Variants in ROCK1 observed in about 807,000 individuals in gnomAD.
ROCK1 encodes the protein rho-associated protein kinase 1.
In ROCK1, 36 loss-of-function variants were observed where a neutral mutation model predicts 196.8. The ratio of observed to expected loss-of-function variants is 0.18; its 90% CI spans 0.14 to 0.24. ROCK1 has a LOEUF of 0.24. ROCK1 is among the 10% of genes least tolerant of loss of function. The pLI is 1.00. For missense variants in ROCK1, 920 were observed against 1,562.0 expected, an observed-to-expected ratio of 0.59 and a Z score of 6.93; for synonymous variants, 443 against 515.9, an observed-to-expected ratio of 0.86 and a Z score of 1.91.
chr18:21,011,322 T>C (rs2035815260), intron 13 of ROCK1, among the ~76,000 whole-genome samples: 1 of 152,230 alleles, frequency 6.6e-6, no homozygotes, highest in African/African-American at 2.4e-5. Flanking sequence ...ATGTATCTCC[T>C]TGTAAGGCCT....
intron 10 of ROCK1, among the ~76,000 whole-genome samples, chr18:21,028,425 C>T (rs142585456): frequency 6.6e-6 from 1 of 151,734 alleles, no homozygotes; most frequent in Non-Finnish European, 1.5e-5. Context: ...TGGAAAAAAA[C>T]AAAACAAAAC....
intron 2 of ROCK1, among the ~76,000 whole-genome samples, chr18:21,057,620 A>C (rs765712232): frequency 6.6e-6 from 1 of 152,132 alleles, no homozygotes; most frequent in Non-Finnish European, 1.5e-5. Flanking sequence ...TCAGGAGTTC[A>C]AGACCAGCCT....
At chr18:21,094,605 C>T (rs1202376052) in intron 1 of ROCK1, among the ~76,000 whole-genome samples, 19 of 151,198 alleles carry the variant, frequency 1.3e-4, no homozygotes, top group Non-Finnish European at 2.1e-4. Context: ...AAACATTGGC[C>T]GGGCATGGTG....
intron 12 of ROCK1, among the ~76,000 whole-genome samples, chr18:21,017,851 T>C (rs1458193707): frequency 7.9e-5 from 12 of 151,092 alleles, no homozygotes; most frequent in Non-Finnish European, 1.5e-4. Flanking sequence ...CGGGCGCCTG[T>C]AGTCCCAGCT....
chr18:20,958,584 T>C (rs1476540339), intron 29 of ROCK1, among the ~76,000 whole-genome samples: 3 of 151,660 alleles, frequency 2.0e-5, no homozygotes, highest in Non-Finnish European at 2.9e-5. Context: ...AACAGATATA[T>C]TTATATTTCC....
At position 21,006,806 on chromosome 18, in the gene ROCK1, A is replaced by G. The variant is rs958287229; in HGVS notation, c.1547-16T>C. Reference sequence around the variant, plus strand: ...AATGTAGAAACTAGAAAATGAAAGAATAATATATAGAAATTACAACATTTT... The same window carrying G: ...AATGTAGAAACTAGAAAATGAAAGAGTAATATATAGAAATTACAACATTTT... On this transcript the variant is annotated splice_polypyrimidine_tract_variant and intron_variant, in intron 14 of 32. Transcript: ENST00000399799. 1 of 1,448,658 alleles carries G rather than the reference A, an allele frequency of 6.9e-7. No homozygotes were observed. Among genetic ancestry groups the G allele is most frequent in the South Asian group, 1.3e-5 (1 of 79,896 alleles). 89.7% of individuals were successfully genotyped at this position (1,448,658 alleles called of 1,614,324 possible). A position where few individuals can be genotyped will look rare whatever the true frequency, so the allele number is the denominator to read the frequency against.
intron 27 of ROCK1, among the ~76,000 whole-genome samples, chr18:20,961,580 C>T (rs987178632): frequency 2.4e-4 from 36 of 152,088 alleles, no homozygotes; most frequent in Admixed American, 1.7e-3. Context: ...TTTCAAACCC[C>T]GGCAGTCTAA....
In ROCK1 at chr18:20,986,937, C is replaced by T. The variant is rs1312192683; in HGVS notation, c.2304+13G>A. 3 of 1,581,974 alleles carry T rather than the reference C, an allele frequency of 1.9e-6. No individual in the cohort carries two copies. Among genetic ancestry groups the T allele is most frequent in the South Asian group, 1.2e-5 (1 of 84,762 alleles). On this transcript the variant is annotated intron_variant, in intron 19 of 32. Coordinates refer to ENST00000399799, the MANE Select transcript of ROCK1 (RefSeq NM_005406.3). ...TTTTAATAGATGAACAAAGTCAGTA[C>T]TATTTTTCTTACTTCATCCTCCATC...
At chr18:21,012,594 A>G (rs1278146314) in intron 13 of ROCK1, among the ~76,000 whole-genome samples, 2 of 151,664 alleles carry the variant, frequency 1.3e-5, no homozygotes, top group Non-Finnish European at 2.9e-5. Context: ...AAATCTGACT[A>G]TTGTGTCTTG....
At chr18:20,957,580 A>C (rs2035256430) in intron 29 of ROCK1, among the ~76,000 whole-genome samples, 1 of 152,022 alleles carries the variant, frequency 6.6e-6, no homozygotes, top group Non-Finnish European at 1.5e-5. Context: ...TCCTGGGTTC[A>C]AGCGATTCTC....
intron 1 of ROCK1, among the ~76,000 whole-genome samples, chr18:21,070,850 G>A (rs533389944): frequency 7.2e-5 from 11 of 152,266 alleles, no homozygotes; most frequent in Middle Eastern, 3.4e-3. Context: ...ACCACAGATT[G>A]GCTGCAAGTG....
intron 2 of ROCK1, among the ~76,000 whole-genome samples, chr18:21,063,277 A>G (rs1175248436): frequency 1.3e-5 from 2 of 152,166 alleles, no homozygotes; most frequent in African/African-American, 2.4e-5. Context: ...AGCAGGTACC[A>G]ATTAAATAGT....
chr18:20,960,151 A>G lies in ROCK1; in HGVS notation c.3408T>C (p.Tyr1136=), dbSNP rs1461544041. The G allele has an allele frequency of 2.5e-6, 4 of 1,597,528 alleles. No individual in the cohort carries two copies. Among genetic ancestry groups the G allele is most frequent in the Non-Finnish European group, 2.6e-6 (3 of 1,165,062 alleles). The part of the protein sequence containing the change: ...SVPNRGNIKR[Y]GWKKQYVVVS... ...TATATGGTACCTGTTTCTTCCAGCC[A>G]TATCGTTTGATATTTCCTCTATTTG... The change falls in exon 28 of 33, where the codon TAT becomes TAC. Residue 1136 remains tyrosine (Y), a synonymous_variant. Coordinates refer to ENST00000399799, the MANE Select transcript of ROCK1 (RefSeq NM_005406.3).
At chr18:20,961,776 G>T (rs2035328961) in intron 27 of ROCK1, among the ~76,000 whole-genome samples, 1 of 145,126 alleles carries the variant, frequency 6.9e-6, no homozygotes, top group African/African-American at 2.5e-5. Flanking sequence ...GGTAACTTTA[G>T]TTCAAAATGA....
intron 1 of ROCK1, among the ~76,000 whole-genome samples, chr18:21,088,289 T>TTCAA (rs1207813355): frequency 6.6e-6 from 1 of 151,864 alleles, no homozygotes; most frequent in African/African-American, 2.4e-5. Flanking sequence ...AGCTCAGGAG[T>TTCAA]TCAAGGCCCA....
chr18:20,962,527 T>C (rs1027793515), intron 27 of ROCK1, among the ~76,000 whole-genome samples: 1 of 152,202 alleles, frequency 6.6e-6, no homozygotes, highest in Non-Finnish European at 1.5e-5. Context: ...TTATGCTTTC[T>C]GGCTCTAGAT....
At chr18:21,019,590 G>A (rs1196379438) in intron 12 of ROCK1, among the ~76,000 whole-genome samples, 3 of 151,790 alleles carry the variant, frequency 2.0e-5, no homozygotes, top group Non-Finnish European at 2.9e-5. Flanking sequence ...TCAGGAGATC[G>A]AGACCATCCT....
At chr18:21,103,946 C>G (rs75641801) in intron 1 of ROCK1, among the ~76,000 whole-genome samples, 1 of 152,328 alleles carries the variant, frequency 6.6e-6, no homozygotes, top group East Asian at 1.9e-4. Context: ...GAATACTTTC[C>G]ATTGTGAATT....
chr18:21,105,695 G>A (rs917092384), intron 1 of ROCK1, among the ~76,000 whole-genome samples: 1 of 152,190 alleles, frequency 6.6e-6, no homozygotes, highest in African/African-American at 2.4e-5. Flanking sequence ...GTTTATGGGA[G>A]GAAGCTTGTT....
Sources: allele counts gnomAD v4.1 joint callset (sites outside exome capture counted in the v4.1 genomes callset), GRCh38; gene constraint gnomAD v4.1.1; transcripts MANE v1.5; gene names NCBI Gene and HGNC (gene_info 2026-07-23, HGNC 2026-07-21).